Variants in GULP1 observed in about 807,000 individuals in gnomAD.
GULP1 encodes the protein PTB domain-containing engulfment adapter protein 1.
GULP1 carries 19 observed loss-of-function variants against 40.9 expected under a neutral mutation model. The ratio of observed to expected loss-of-function variants is 0.46; its 90% CI spans 0.32 to 0.68. The LOEUF (loss-of-function observed/expected upper bound fraction) is 0.68, where lower values mean the gene tolerates loss of function less well. Among genes scored for constraint, GULP1 ranks in the 30% least tolerant of loss-of-function variants. The probability of loss-of-function intolerance (pLI) is 0.03; values close to 1 mark genes in which losing one functional copy is unlikely to be tolerated. For missense variants in GULP1, 312 were observed against 362.2 expected, an observed-to-expected ratio of 0.86 and a Z score of 1.12; for synonymous variants, 119 against 117.6, an observed-to-expected ratio of 1.01 and a Z score of -0.08.
At chr2:188,545,839 C>T (rs1400332376) in intron 7 of GULP1, among the ~76,000 whole-genome samples, 2 of 151,632 alleles carry the variant, frequency 1.3e-5, no homozygotes, top group African/African-American at 2.4e-5. Context: ...ATGTTCATTG[C>T]AAACATAATG....
intron 1 of GULP1, among the ~76,000 whole-genome samples, chr2:188,381,864 C>T (rs1016782802): frequency 3.0e-4 from 46 of 152,088 alleles, no homozygotes; most frequent in African/African-American, 1.1e-3. Flanking sequence ...GATGATACAA[C>T]CCTTACATTT....
At chr2:188,354,230 G>A (rs1013610155) in intron 1 of GULP1, among the ~76,000 whole-genome samples, 32 of 152,118 alleles carry the variant, frequency 2.1e-4, no homozygotes, top group African/African-American at 7.2e-4. Context: ...AGTCACCACT[G>A]CATGGTGCCT....
intron 11 of GULP1, chr2:188,592,107 T>C (rs1400706742): frequency 6.6e-6 from 1 of 151,952 alleles, no homozygotes; most frequent in African/African-American, 2.4e-5. Flanking sequence ...ATTAAAATAG[T>C]GATTGACCTC....
Position 188,483,501 on chromosome 2 carries a change from A to G in GULP1, c.90+9A>G, listed in dbSNP as rs1270558080. 5 of 1,201,790 alleles carry G rather than the reference A, an allele frequency of 4.2e-6. No individual in the cohort carries two copies. Among genetic ancestry groups the G allele is most frequent in the Non-Finnish European group, 6.0e-6 (5 of 831,096 alleles). The allele number at this position is 1,201,790 out of a possible 1,614,324, so 74.4% of individuals were successfully genotyped here. ...TTCCCTATAATGCAAAGGTAAAAATAGTTCATTTATTATTTAATTTTATTT... is the reference window on the plus strand; with the variant it reads ...TTCCCTATAATGCAAAGGTAAAAATGGTTCATTTATTATTTAATTTTATTT... On this transcript the variant is annotated intron_variant, in intron 4 of 11. Transcript: ENST00000409830.
At chr2:188,523,798 T>G (rs545119142) in intron 5 of GULP1, among the ~76,000 whole-genome samples, 1 of 152,208 alleles carries the variant, frequency 6.6e-6, no homozygotes, top group African/African-American at 2.4e-5. Flanking sequence ...TGGCATGACT[T>G]CTATTCTGGG....
At chr2:188,531,437 C>T (rs1408117008) in intron 6 of GULP1, among the ~76,000 whole-genome samples, 2 of 152,118 alleles carry the variant, frequency 1.3e-5, no homozygotes, top group Non-Finnish European at 1.5e-5. Flanking sequence ...CTTCAACTTC[C>T]CATATTAAAG....
chr2:188,343,829 C>T (rs1440170183), intron 1 of GULP1, among the ~76,000 whole-genome samples: 1 of 152,138 alleles, frequency 6.6e-6, no homozygotes, highest in South Asian at 2.1e-4. Flanking sequence ...GACAGAGTCT[C>T]GTTCTGTCAC....
At chr2:188,298,598 A>G (rs1028877652) in intron 1 of GULP1, among the ~76,000 whole-genome samples, 1 of 152,172 alleles carries the variant, frequency 6.6e-6, no homozygotes, top group Admixed American at 6.5e-5. Flanking sequence ...ATGACTGGAT[A>G]TGTAGGAGAA....
intron 4 of GULP1, among the ~76,000 whole-genome samples, chr2:188,505,603 C>G (rs1366250410): frequency 1.3e-5 from 2 of 151,702 alleles, no homozygotes; most frequent in Non-Finnish European, 2.9e-5. Context: ...ATATTCTCAA[C>G]CAAATAGACA....
chr2:188,541,184 G>A lies in GULP1; in HGVS notation c.265G>A (p.Val89Ile). The A allele has an allele frequency of 6.2e-7, 1 of 1,612,442 alleles. No homozygotes were observed. The highest frequency in any genetic ancestry group is 8.5e-7 in the Non-Finnish European group (1 of 1,178,654). Residue 89 changes from valine (V) to isoleucine (I), a missense_variant, in exon 7 of 12, where the codon GTT becomes ATT. Val to Ile is a conservative substitution (Grantham distance 29). Coordinates refer to ENST00000409830, the MANE Select transcript of GULP1 (RefSeq NM_016315.4). ...TTATTTCCATCTGTGTTCACAGGAAGTTCAACACAATTGCCAGCTTCATAG... is the reference window on the plus strand; with the variant it reads ...TTATTTCCATCTGTGTTCACAGGAAATTCAACACAATTGCCAGCTTCATAG... ...VKILEPKTKEVQHNCQLHRIS... is the reference protein window; with the variant it reads ...VKILEPKTKEIQHNCQLHRIS...
chr2:188,316,942 G>A (rs889844479), intron 1 of GULP1, among the ~76,000 whole-genome samples: 1 of 152,092 alleles, frequency 6.6e-6, no homozygotes, highest in African/African-American at 2.4e-5. Context: ...AAGAAAACAT[G>A]CCTCCTTGAA....
chr2:188,335,886 T>C, intron 1 of GULP1, among the ~76,000 whole-genome samples: 1 of 152,180 alleles, frequency 6.6e-6, no homozygotes, highest in East Asian at 1.9e-4. Context: ...GTGGGAACAC[T>C]CTCATTTTAT....
chr2:188,548,874 A>C (rs1171328461), intron 7 of GULP1, among the ~76,000 whole-genome samples: 1 of 140,482 alleles, frequency 7.1e-6, no homozygotes, highest in Non-Finnish European at 1.6e-5. Flanking sequence ...TTTTGTTTTC[A>C]GACAGTGCTG....
intron 10 of GULP1, among the ~76,000 whole-genome samples, chr2:188,585,912 G>A (rs932736053): frequency 6.6e-6 from 1 of 152,182 alleles, no homozygotes; most frequent in African/African-American, 2.4e-5. Context: ...TAGTCGGGCT[G>A]CATATTTTCC....
intron 1 of GULP1, among the ~76,000 whole-genome samples, chr2:188,311,480 G>A (rs1183852576): frequency 6.6e-6 from 1 of 152,132 alleles, no homozygotes; most frequent in Non-Finnish European, 1.5e-5. Flanking sequence ...ATAGGCGTGA[G>A]CCACCATGCA....
chr2:188,551,752 C>G (rs1292130369), intron 7 of GULP1, among the ~76,000 whole-genome samples: 1 of 151,610 alleles, frequency 6.6e-6, no homozygotes, highest in Non-Finnish European at 1.5e-5. Context: ...AATCTTCATA[C>G]TGTTTTCCGT....
chr2:188,438,987 G>C lies in GULP1; in HGVS notation c.-44-38672G>C, dbSNP rs553706960. ...TTGGAACCAATCCTTTCTTAAAAAA[G>C]AACTCTCTATGAATTGTTTGTTAAA... On this transcript the variant is annotated intron_variant, in intron 2 of 11. Transcript: ENST00000409830. Among the ~76,000 whole-genome samples the C allele has an allele frequency of 1.2e-3, 180 of 151,968 alleles. 1 individual carries two copies. Among genetic ancestry groups the C allele is most frequent in the Non-Finnish European group, 1.4e-3 (93 of 67,888 alleles).
chr2:188,422,976 G>C (rs923528050), intron 2 of GULP1, among the ~76,000 whole-genome samples: 11 of 152,076 alleles, frequency 7.2e-5, no homozygotes, highest in African/African-American at 2.7e-4. Context: ...TGTAGACTGA[G>C]AAGCACTACC....
In GULP1 at chr2:188,556,057, C is replaced by CAA. The variant is rs1036724991; in HGVS notation, c.400-13171_400-13170dup. On this transcript the variant is annotated intron_variant, in intron 7 of 11. Transcript: ENST00000409830. ...TGGGTGACAGAGTGAGACTCTGTCT[C>CAA]AAAAAAAAAAAAGAAAAAGAAAAAG... is the stretch of plus-strand genomic sequence containing the variant. 1.4e-4 allele frequency among the ~76,000 whole-genome samples: 12 copies of CAA among 85,146 alleles called. No individual in the cohort carries two copies. The East Asian group carries it at 3.1e-3, about 22-fold the overall frequency. The allele number at this position is 85,146 out of a possible 152,430, so 55.9% of individuals were successfully genotyped here.
Sources: allele counts gnomAD v4.1 joint callset (sites outside exome capture counted in the v4.1 genomes callset), GRCh38; gene constraint gnomAD v4.1.1; transcripts MANE v1.5; gene names NCBI Gene and HGNC (gene_info 2026-07-23, HGNC 2026-07-21).